Variants in DCTN1 observed in about 807,000 individuals in gnomAD.
The protein encoded by DCTN1 is 150 kDa dynein-associated polypeptide.
Under a neutral mutation model 161.2 loss-of-function variants are expected in DCTN1, and 61 were observed. The ratio of observed to expected loss-of-function variants is 0.38; its 90% CI spans 0.31 to 0.47. The LOEUF (loss-of-function observed/expected upper bound fraction) is 0.47. Among genes scored for constraint, DCTN1 ranks in the 20% least tolerant of loss-of-function variants. The pLI, the probability that DCTN1 is intolerant of heterozygous loss-of-function variation, is 0.99. For missense variants in DCTN1, 1,404 were observed against 1,623.7 expected (o/e 0.86, Z 2.33); for synonymous variants, 653 against 632.4 (o/e 1.03, Z -0.49).
chr2:74,370,327 G>A lies in DCTN1; in HGVS notation c.1146C>T (p.Ser382=). The A allele has an allele frequency of 1.2e-6, 2 of 1,614,010 alleles. No individual in the cohort carries two copies. Among genetic ancestry groups the A allele is most frequent in the East Asian group, 2.2e-5 (1 of 44,882 alleles). Residue 382 remains serine (S), a synonymous_variant, in exon 12 of 32, where the codon TCC becomes TCT. Coordinates refer to ENST00000628224, the MANE Select transcript of DCTN1 (RefSeq NM_004082.5). The surrounding 1 kb of genome is among the most constrained non-coding windows in gnomAD (Gnocchi z 4.4). ...GCTTCACATGCTCCTGCTTCTCTGAGGAAGAAAGATCCCGCATCCTGCAGG... is the reference window on the plus strand; with the variant it reads ...GCTTCACATGCTCCTGCTTCTCTGAAGAAGAAAGATCCCGCATCCTGCAGG... ...DALVRMRDLS[S]SEKQEHVKLQ... is the part of the protein sequence containing the mutation.
Position 74,370,491 on chromosome 2 carries a change from C to T in DCTN1, c.1102G>A (p.Ala368Thr), listed in dbSNP as rs1034996844. 2 of 1,614,178 alleles carry T rather than the reference C, an allele frequency of 1.2e-6. No homozygotes were observed. The highest frequency in any genetic ancestry group is 1.7e-5 in the Admixed American group (1 of 60,028). ...CTCACCAGGGCATCCTTCAGGCGGG[C>T]ATTCTGCTCCTCAAGCTGCTTGAGC... is the stretch of plus-strand genomic sequence containing the variant. Reference protein sequence around the residue: ...YQLKQLEEQNARLKDALVRMR... With the variant: ...YQLKQLEEQNTRLKDALVRMR... The change falls in exon 11 of 32, where the codon GCC (alanine) becomes ACC (threonine). Residue 368 changes from alanine to threonine, a missense_variant. This residue lies in a region of DCTN1 where 278 missense variants were observed against 363.8 expected (regional missense o/e 0.76). Transcript: ENST00000628224. This position sits in a 1 kb window ranked among gnomAD's most constrained non-coding sequence, Gnocchi z 4.4.
intron 26 of DCTN1, 163 bp from the exon 27 acceptor site, chr2:74,363,791 T>G (rs187794639): frequency 2.2e-6 from 2 of 927,482 alleles, no homozygotes; most frequent in East Asian, 5.3e-5. Flanking sequence ...CCACCTATCT[T>G]TGGGGACGAG....
intron 1 of DCTN1, chr2:74,391,774 G>A: frequency 2.2e-6 from 1 of 453,564 alleles, no homozygotes; most frequent in Non-Finnish European, 4.4e-6. Context: ...CAGACGGTTG[G>A]CAGAGTCGCG....
At chr2:74,374,476 A>T (rs1247701222) in intron 5 of DCTN1, 136 bp from the exon 6 acceptor site, 1 of 1,533,136 alleles carries the variant, frequency 6.5e-7, no homozygotes. Context: ...AAGGCGGCGG[A>T]GACAGGAGAT....
rs563630664 is a variant in DCTN1, at chr2:74,369,205, G to A, written c.1594C>T (p.Arg532Trp). The change falls in exon 15 of 32, where the codon CGG (arginine) becomes TGG (tryptophan). Residue 532 changes from arginine (R) to tryptophan (W), a missense_variant. Physicochemically the swap from Arg to Trp is moderately radical, Grantham distance 101 (BLOSUM62 -3). This residue lies in a region of DCTN1 where 278 missense variants were observed against 363.8 expected (regional missense o/e 0.76). Coordinates refer to ENST00000628224, the MANE Select transcript of DCTN1 (RefSeq NM_004082.5). The surrounding 1 kb of genome is among the most constrained non-coding windows in gnomAD (Gnocchi z 4.9). ...QLTAHLQDVNRELTNQQEASV... is the reference protein window; with the variant it reads ...QLTAHLQDVNWELTNQQEASV... ...GCTTCCTGCTGGTTTGTCAGTTCCC[G>A]ATTCACATCCTAGGAGGAGAGACAG... 5 of 1,614,186 alleles carry A rather than the reference G, an allele frequency of 3.1e-6. No homozygotes were observed. Among genetic ancestry groups the A allele is most frequent in the East Asian group, 2.2e-5 (1 of 44,882 alleles).
intron 1 of DCTN1, among the ~76,000 whole-genome samples, chr2:74,379,603 G>A (rs1338788456): frequency 1.3e-5 from 2 of 152,124 alleles, no homozygotes; most frequent in African/African-American, 2.4e-5. Flanking sequence ...CAGAACCAGG[G>A]GGCCACAACA....
rs746572197 is a variant in DCTN1 at position 74,365,937 on chromosome 2, G to T, written c.2842C>A (p.Arg948=). ...TTCAACTCCTTAATAACTGTCTCTC[G>T]ATCTTCGAGCTTCAAACCCAGGCCT... is the stretch of plus-strand genomic sequence containing the variant. ...AEGLGLKLED[R]ETVIKELKKS... is the part of the protein sequence containing the mutation. Residue 948 remains arginine, a synonymous_variant, in exon 24 of 32, where the codon CGA becomes AGA. Coordinates refer to ENST00000628224, the MANE Select transcript of DCTN1 (RefSeq NM_004082.5). 1 of 1,614,118 alleles carries T rather than the reference G, an allele frequency of 6.2e-7. No homozygotes were observed.
upstream of DCTN1, among the ~76,000 whole-genome samples, chr2:74,382,699 A>G (rs576054742): frequency 4.6e-5 from 7 of 152,220 alleles, no homozygotes; most frequent in African/African-American, 1.4e-4. Context: ...CACAATAAAT[A>G]TAAGAAATTA....
chr2:74,379,975 C>T (rs1675435831), intron 1 of DCTN1, 30 bp downstream of exon 1: 3 of 1,613,088 alleles, frequency 1.9e-6, no homozygotes, highest in African/African-American at 2.7e-5. Flanking sequence ...CAGCAGCCCT[C>T]CAGGGCCATC....
At chr2:74,380,344 G>A (rs1368058646), upstream of DCTN1, 2 of 541,572 alleles carry the variant, frequency 3.7e-6, no homozygotes, top group East Asian at 3.8e-5. Context: ...GTCAGGAACC[G>A]TGCTAGCCTC....
rs1370798832 is a variant in DCTN1 at position 74,363,286 on chromosome 2, T to A, written c.3345+8A>T. The A allele has an allele frequency of 1.9e-6, 3 of 1,613,940 alleles. No individual in the cohort carries two copies. In the African/African-American group the frequency reaches 4.0e-5, roughly 22 times the overall value. On this transcript the variant is annotated splice_region_variant and intron_variant, in intron 28 of 31. Coordinates refer to ENST00000628224, the MANE Select transcript of DCTN1 (RefSeq NM_004082.5). ...CTCCCATCCCAGTCCTCCCCGTGGCTCCCTCACCTTGAGGATGCTGTTCTC... is the reference window on the plus strand; with the variant it reads ...CTCCCATCCCAGTCCTCCCCGTGGCACCCTCACCTTGAGGATGCTGTTCTC...
At chr2:74,386,192 T>C (rs1328372935) in intron 1 of DCTN1, among the ~76,000 whole-genome samples, 1 of 152,116 alleles carries the variant, frequency 6.6e-6, no homozygotes, top group East Asian at 1.9e-4. Context: ...ATTCCCTCCT[T>C]AGCAACCCTA....
chr2:74,368,568 C>T (rs1302740023), intron 16 of DCTN1, 160 bp downstream of exon 16: 9 of 958,814 alleles, frequency 9.4e-6, no homozygotes, highest in Admixed American at 2.1e-5. Context: ...GAAAACACAC[C>T]ATTTGTAATA....
chr2:74,385,465 T>A (rs1449356642), intron 1 of DCTN1: 1 of 152,256 alleles, frequency 6.6e-6, no homozygotes, highest in African/African-American at 2.4e-5. Flanking sequence ...CAGGGAACCC[T>A]GAGCCTGCGC....
rs1331417284 is a variant in DCTN1, at chr2:74,370,127, C to A, written c.1288-58G>T. ...CTGGAAGGTACCTAGAAAGAGGAGG[C>A]ATCAACTGATAGGAGAGTCAGGTGG... On this transcript the variant is annotated intron_variant, in intron 12 of 31. Coordinates refer to ENST00000628224, the MANE Select transcript of DCTN1 (RefSeq NM_004082.5). The surrounding 1 kb of genome is among the most constrained non-coding windows in gnomAD (Gnocchi z 4.4). 32 of 1,613,870 alleles carry A rather than the reference C, an allele frequency of 2.0e-5. No individual in the cohort carries two copies. Among genetic ancestry groups the A allele is most frequent in the African/African-American group, 1.3e-5 (1 of 74,918 alleles).
At chr2:74,389,200 C>T (rs1310567753) in intron 1 of DCTN1, among the ~76,000 whole-genome samples, 2 of 152,188 alleles carry the variant, frequency 1.3e-5, no homozygotes, top group African/African-American at 4.8e-5. Flanking sequence ...CCCTTGATCA[C>T]ATTCAACTAA....
chr2:74,391,825 G>C (rs777620309), exon 1 of DCTN1: 8 of 453,734 alleles, frequency 1.8e-5, no homozygotes, highest in South Asian at 9.3e-5. Context: ...GCCCAGCTCC[G>C]ACCCCACCGA....
intron 16 of DCTN1, 61 bp downstream of exon 16, chr2:74,368,667 A>C: frequency 1.9e-6 from 3 of 1,611,670 alleles, no homozygotes; most frequent in Non-Finnish European, 2.5e-6. Flanking sequence ...CAGCATCTTC[A>C]ATGCCTGGTT....
intron 6 of DCTN1, 170 bp from the exon 7 acceptor site, chr2:74,373,118 G>A: frequency 1.4e-6 from 1 of 695,290 alleles, no homozygotes; most frequent in Non-Finnish European, 2.6e-6. Flanking sequence ...GTGAATCACT[G>A]TATTCCTACT....
Sources: gnomAD v4.1 joint callset for allele counts (sites outside exome capture counted in the v4.1 genomes callset) on GRCh38, gnomAD v4.1.1 for gene constraint, gnomAD v4.1.1 regional missense constraint, Gnocchi (gnomAD v3.1) non-coding constraint, MANE v1.5 for transcripts, NCBI Gene and HGNC (gene_info 2026-07-23, HGNC 2026-07-21) for gene names.